The following CDH13 variants were observed in gnomAD, a reference collection of about 807,000 sequenced individuals.
CDH13 encodes cadherin 13.
A neutral mutation model predicts 63.8 loss-of-function variants in CDH13; 24 were observed. That is an observed-to-expected ratio of 0.38 (90% CI 0.27 to 0.53). The LOEUF is 0.53. CDH13 is among the 20% of genes least tolerant of loss of function. The probability of loss-of-function intolerance (pLI) is 0.85; values close to 1 mark genes in which losing one functional copy is unlikely to be tolerated. For missense variants in CDH13, 1,049 were observed against 903.1 expected (o/e 1.16, Z -2.07); for synonymous variants, 503 against 355.3 (o/e 1.42, Z -4.67).
chr16:83,576,345 C>A (rs1352836891), intron 7 of CDH13, among the ~76,000 whole-genome samples: 1 of 152,186 alleles, frequency 6.6e-6, no homozygotes, highest in African/African-American at 2.4e-5. Context: ...AGTATTTCAT[C>A]CCTTTTTATG....
intron 3 of CDH13, among the ~76,000 whole-genome samples, chr16:83,059,586 G>A (rs1175380571): frequency 2.6e-5 from 4 of 152,102 alleles, no homozygotes; most frequent in East Asian, 1.9e-4. Flanking sequence ...GCAGGCACAA[G>A]ACGGTTTGGC....
intron 1 of CDH13, among the ~76,000 whole-genome samples, chr16:82,760,462 ACTTTT>A (rs2034790759): frequency 6.6e-6 from 1 of 152,080 alleles, no homozygotes; most frequent in Admixed American, 6.6e-5. Flanking sequence ...AAAATTTTGT[ACTTTT>A]ATTAATATTA....
At chr16:83,524,485 C>T (rs1379364074) in intron 7 of CDH13, among the ~76,000 whole-genome samples, 1 of 118,554 alleles carries the variant, frequency 8.4e-6, no homozygotes, top group Non-Finnish European at 1.6e-5. Context: ...TGAAGTCTTA[C>T]ACTGTTGCCC....
intron 6 of CDH13, among the ~76,000 whole-genome samples, chr16:83,358,362 C>T (rs1056738562): frequency 6.6e-6 from 1 of 152,134 alleles, no homozygotes; most frequent in South Asian, 2.1e-4. Flanking sequence ...AAGCAGCCAC[C>T]TTGCTCTGTG....
chr16:83,696,340 T>C (rs1006706586), intron 10 of CDH13, among the ~76,000 whole-genome samples: 3 of 152,234 alleles, frequency 2.0e-5, no homozygotes, highest in African/African-American at 7.2e-5. Flanking sequence ...GGGGTCTTCA[T>C]GTGCAGCGGG....
chr16:82,736,383 C>G (rs1371340045), intron 1 of CDH13, among the ~76,000 whole-genome samples: 2 of 152,170 alleles, frequency 1.3e-5, no homozygotes, highest in Admixed American at 6.5e-5. Flanking sequence ...CGGTGCCACT[C>G]ATTAATTCTA....
At chr16:82,743,288 A>G (rs1484148577) in intron 1 of CDH13, among the ~76,000 whole-genome samples, 3 of 151,904 alleles carry the variant, frequency 2.0e-5, no homozygotes, top group African/African-American at 7.3e-5. Context: ...GCGCGGTGGC[A>G]CTCTCTCAGC....
intron 1 of CDH13, among the ~76,000 whole-genome samples, chr16:82,795,982 ATCT>A (rs1456828497): frequency 7.2e-6 from 1 of 138,582 alleles, no homozygotes; most frequent in African/African-American, 2.7e-5. Context: ...ACATTTATTG[ATCT>A]TCTAATGTTT....
At chr16:83,790,502 C>T (rs975588701) in intron 13 of CDH13, among the ~76,000 whole-genome samples, 8 of 152,284 alleles carry the variant, frequency 5.3e-5, no homozygotes, top group East Asian at 1.9e-4. Flanking sequence ...CGGATTCACG[C>T]CATTCTCCTG....
chr16:82,706,148 C>G (rs527400133), intron 1 of CDH13, among the ~76,000 whole-genome samples: 1 of 152,082 alleles, frequency 6.6e-6, no homozygotes, highest in East Asian at 1.9e-4. Context: ...CCCTTTCTTT[C>G]CGCCTCCCTT....
chr16:83,267,111 A>G (rs1907715838), intron 5 of CDH13, among the ~76,000 whole-genome samples: 1 of 152,216 alleles, frequency 6.6e-6, no homozygotes, highest in African/African-American at 2.4e-5. Context: ...GAAGTGCAGC[A>G]GAGACATGCA....
intron 1 of CDH13, among the ~76,000 whole-genome samples, chr16:82,750,527 A>C (rs1239428334): frequency 1.3e-5 from 2 of 152,230 alleles, no homozygotes; most frequent in African/African-American, 4.8e-5. Context: ...TACCAGACTA[A>C]TGATCTGACA....
At chr16:83,388,970 G>A (rs2091732283) in intron 6 of CDH13, among the ~76,000 whole-genome samples, 1 of 152,134 alleles carries the variant, frequency 6.6e-6, no homozygotes, top group Admixed American at 6.5e-5. Context: ...TGATAGGAAT[G>A]ACCAGGGCGC....
At chr16:83,027,829 T>A (rs1055056543) in intron 2 of CDH13, among the ~76,000 whole-genome samples, 5 of 152,200 alleles carry the variant, frequency 3.3e-5, no homozygotes, top group African/African-American at 1.2e-4. Context: ...GGACTTTGCA[T>A]ATGTTATGGT....
At chr16:82,977,974 G>T (rs1025296407) in intron 2 of CDH13, among the ~76,000 whole-genome samples, 1 of 152,110 alleles carries the variant, frequency 6.6e-6, no homozygotes, top group Non-Finnish European at 1.5e-5. Flanking sequence ...AAGTTGGGGT[G>T]GTCTCAAATG....
At chr16:82,957,564 C>T (rs1231941394) in intron 2 of CDH13, among the ~76,000 whole-genome samples, 1 of 152,306 alleles carries the variant, frequency 6.6e-6, no homozygotes, top group South Asian at 2.1e-4. Flanking sequence ...ACACGCCCCC[C>T]TGCTATCTTC....
chr16:83,381,460 C>G (rs546366916), intron 6 of CDH13, among the ~76,000 whole-genome samples: 1 of 152,020 alleles, frequency 6.6e-6, no homozygotes, highest in Non-Finnish European at 1.5e-5. Flanking sequence ...TTTTTAGCAC[C>G]GAGATCGCAT....
chr16:82,847,626 A>C (rs12148992), intron 1 of CDH13, among the ~76,000 whole-genome samples: 34,890 of 152,200 alleles, frequency 0.23, 5,300 homozygotes, highest in Non-Finnish European at 0.34. Context: ...CCCAACCTTA[A>C]TTACCCTTTG....
rs567210451 is a variant in CDH13, at chr16:83,431,353, C to T, written c.782-55124C>T. 1.4e-4 allele frequency among the ~76,000 whole-genome samples: 22 copies of T among 151,892 alleles called. No homozygotes were observed. The East Asian group carries it at 3.5e-3, about 24-fold the overall frequency. ...ACAACCATAGGTTAGAGTTCTTTTA[C>T]GATCCTGGTCCTATCTCCTTATCAT... is the stretch of plus-strand genomic sequence containing the variant. On this transcript the variant is annotated intron_variant, in intron 6 of 13. Coordinates refer to ENST00000567109, the MANE Select transcript of CDH13 (RefSeq NM_001257.5).
Sources: allele counts gnomAD v4.1 joint callset (sites outside exome capture counted in the v4.1 genomes callset), GRCh38; gene constraint gnomAD v4.1.1; transcripts MANE v1.5; gene names NCBI Gene and HGNC (gene_info 2026-07-23, HGNC 2026-07-21).